Variants in DMD observed in about 807,000 individuals in gnomAD.
DMD encodes mutant dystrophin.
A neutral mutation model predicts 330.1 loss-of-function variants in DMD; 63 were observed. That is an observed-to-expected ratio of 0.19 (90% CI 0.16 to 0.24). DMD has a LOEUF of 0.24. Among genes scored for constraint, DMD ranks in the 10% least tolerant of loss-of-function variants. The probability of loss-of-function intolerance (pLI) is 1.00; values close to 1 mark genes in which losing one functional copy is unlikely to be tolerated. For synonymous variants in DMD, 1,223 were observed against 959.8 expected, an observed-to-expected ratio of 1.27 and a Z score of -5.07; for missense variants, 3,344 against 2,684.1, an observed-to-expected ratio of 1.25 and a Z score of -5.43.
At chrX:33,302,926 T>C (rs191937620) in intron 1 of DMD, among the ~76,000 whole-genome samples, 146 of 111,958 alleles carry the variant, frequency 1.3e-3, no homozygotes, top group African/African-American at 4.4e-3. Flanking sequence ...GGACTCTACG[T>C]ATTCATACAT....
At chrX:33,318,794 G>A (rs1176521502) in intron 1 of DMD, among the ~76,000 whole-genome samples, 1 of 110,167 alleles carries the variant, frequency 9.1e-6, no homozygotes, top group African/African-American at 3.3e-5. Flanking sequence ...TTAGATAATT[G>A]GCCTTACCAC....
chrX:32,119,281 C>T (rs1444001624), intron 44 of DMD, among the ~76,000 whole-genome samples: 2 of 101,941 alleles, frequency 2.0e-5, no homozygotes, highest in African/African-American at 7.4e-5. Flanking sequence ...TTTCAGTGAG[C>T]TTAGATCATC....
At chrX:32,151,315 G>T (rs1029780927) in intron 44 of DMD, 2 of 111,349 alleles carry the variant, frequency 1.8e-5, no homozygotes, top group African/African-American at 6.5e-5. Context: ...TTTTTCCAGG[G>T]ACAAGAGTGG....
intron 73 of DMD, among the ~76,000 whole-genome samples, chrX:31,169,896 G>C (rs1245547780): frequency 8.9e-6 from 1 of 111,889 alleles, no homozygotes; most frequent in Non-Finnish European, 1.9e-5. Context: ...GTTGATGTTA[G>C]TCAATAGCTA....
chrX:33,251,652 A>G (rs957456014), intron 1 of DMD, among the ~76,000 whole-genome samples: 3 of 112,079 alleles, frequency 2.7e-5, no homozygotes, highest in Non-Finnish European at 5.6e-5. Context: ...TCAGTGTTAT[A>G]TGCAGTAGAT....
intron 17 of DMD, among the ~76,000 whole-genome samples, chrX:32,520,841 A>G (rs1466429981): frequency 2.0e-5 from 2 of 100,194 alleles, no homozygotes; most frequent in Non-Finnish European, 4.0e-5. Flanking sequence ...GCATCCTGCC[A>G]TACTTTTTTT....
chrX:32,851,798 G>GAT (rs1368881605), intron 2 of DMD, among the ~76,000 whole-genome samples: 1 of 111,794 alleles, frequency 8.9e-6, no homozygotes, highest in Admixed American at 9.5e-5. Flanking sequence ...GTGCTGCCCT[G>GAT]TCACAGTGGG....
At chrX:31,907,347 A>G (rs947939818) in intron 47 of DMD, among the ~76,000 whole-genome samples, 1 of 112,103 alleles carries the variant, frequency 8.9e-6, no homozygotes, top group Non-Finnish European at 1.9e-5. Context: ...ACAGCATGGT[A>G]CTGGTACCAA....
chrX:31,749,169 T>A (rs1405585523), intron 51 of DMD, among the ~76,000 whole-genome samples: 1 of 109,537 alleles, frequency 9.1e-6, no homozygotes, highest in Non-Finnish European at 1.9e-5. Flanking sequence ...ATACTTTAAG[T>A]TTTAGGGTAC....
chrX:31,357,850 C>T (rs1235021299), intron 60 of DMD, among the ~76,000 whole-genome samples: 5 of 111,857 alleles, frequency 4.5e-5, no homozygotes, highest in Admixed American at 2.9e-4. Flanking sequence ...ATCAATAAAC[C>T]GGAAGATCTC....
rs1455086288 is a variant in DMD, at chrX:32,771,356, G to C, written c.649+38137C>G. Among the ~76,000 whole-genome samples the C allele has an allele frequency of 2.0e-4, 22 of 111,529 alleles. No individual in the cohort carries two copies. In the Admixed American group the frequency reaches 2.1e-3, roughly 11 times the overall value. Reference sequence around the variant, plus strand: ...ACTGAAACTGATTAAGTAAATGAAAGTTTGTCACACTTAAGGTGTAACTAC... The same window carrying C: ...ACTGAAACTGATTAAGTAAATGAAACTTTGTCACACTTAAGGTGTAACTAC... On this transcript the variant is annotated intron_variant, in intron 7 of 78. Transcript: ENST00000357033.
At chrX:33,289,739 A>C (rs1418950835) in intron 1 of DMD, among the ~76,000 whole-genome samples, 1 of 111,583 alleles carries the variant, frequency 9.0e-6, no homozygotes, top group Non-Finnish European at 1.9e-5. Flanking sequence ...TCTGTGGATT[A>C]TCTATTATAG....
chrX:32,316,256 T>C (rs189776044), intron 41 of DMD, among the ~76,000 whole-genome samples: 38 of 111,557 alleles, frequency 3.4e-4, no homozygotes, highest in Non-Finnish European at 6.6e-4. Flanking sequence ...TTTATTACTT[T>C]AGAAAAATCT....
At chrX:32,680,543 T>C (rs1457655882) in intron 9 of DMD, among the ~76,000 whole-genome samples, 7 of 111,741 alleles carry the variant, frequency 6.3e-5, no homozygotes, top group Non-Finnish European at 1.3e-4. Flanking sequence ...ATAATTCTTA[T>C]GCTTTAATTT....
chrX:32,482,540 T>C (rs1395981408), intron 21 of DMD, among the ~76,000 whole-genome samples: 1 of 111,969 alleles, frequency 8.9e-6, no homozygotes, highest in Non-Finnish European at 1.9e-5. Context: ...ATTTTCTTCA[T>C]ATAGTCATCA....
intron 29 of DMD, 89 bp downstream of exon 29, chrX:32,438,152 T>A: frequency 9.9e-7 from 1 of 1,009,677 alleles, no homozygotes; most frequent in Non-Finnish European, 1.4e-6. Context: ...AGCTAATATT[T>A]AAACTATTGC....
chrX:32,581,993 G>A (rs767637909), intron 13 of DMD, among the ~76,000 whole-genome samples: 82 of 111,542 alleles, frequency 7.4e-4, no homozygotes, highest in Non-Finnish European at 1.4e-3. Flanking sequence ...ATAAAATTTG[G>A]CATCCGGTAG....
chrX:33,311,877 TAAG>T (rs891817993), intron 1 of DMD, among the ~76,000 whole-genome samples: 1 of 109,746 alleles, frequency 9.1e-6, no homozygotes, highest in African/African-American at 3.3e-5. Flanking sequence ...AAGAAAATAA[TAAG>T]GAGATACAAA....
chrX:32,279,744 A>C (rs940978362), intron 43 of DMD, among the ~76,000 whole-genome samples: 1 of 109,641 alleles, frequency 9.1e-6, no homozygotes, highest in African/African-American at 3.3e-5. Context: ...AACACCACCT[A>C]CTATTTGCTA....
Sources: allele counts gnomAD v4.1 joint callset (sites outside exome capture counted in the v4.1 genomes callset), GRCh38; gene constraint gnomAD v4.1.1; transcripts MANE v1.5; gene names NCBI Gene and HGNC (gene_info 2026-07-23, HGNC 2026-07-21).